Variants in MAN2C1 observed in about 807,000 individuals in gnomAD.
MAN2C1 encodes the protein alpha-mannosidase 2C1.
Under a neutral mutation model 126.9 loss-of-function variants are expected in MAN2C1, and 111 were observed. The ratio of observed to expected loss-of-function variants is 0.87; its 90% CI spans 0.75 to 1.02. The LOEUF is 1.02. Ranked by LOEUF, MAN2C1 falls within the 50% of genes least tolerant of loss-of-function variation. The probability of loss-of-function intolerance (pLI) is 0.00; values close to 1 mark genes in which losing one functional copy is unlikely to be tolerated. For synonymous variants in MAN2C1, 567 were observed against 561.5 expected (o/e 1.01, Z -0.14); for missense variants, 1,363 against 1,364.4 (o/e 1.00, Z 0.02).
chr15:75,364,056 G>C lies in MAN2C1; in HGVS notation c.733C>G (p.His245Asp). 6.2e-7 allele frequency: 1 copy of C among 1,614,186 alleles called. No individual in the cohort carries two copies. The highest frequency in any genetic ancestry group is 8.5e-7 in the Non-Finnish European group (1 of 1,180,020). Reference protein sequence around the residue: ...QALASRFFGQHGGESQHTIHA... With the variant: ...QALASRFFGQDGGESQHTIHA... ...ATGGTGTGTTGGCTTTCACCCCCAT[G>C]TTGGCCAAAGAACCTGGAGGCCAGG... The change falls in exon 6 of 26, where the codon CAT becomes GAT. Residue 245 changes from histidine to aspartate, a missense_variant. Physicochemically the swap from His to Asp is moderately conservative, Grantham distance 81. Transcript: ENST00000267978.
chr15:75,357,090 G>A (rs977959542), intron 21 of MAN2C1, 188 bp from the exon 22 acceptor site: 5 of 596,256 alleles, frequency 8.4e-6, no homozygotes, highest in East Asian at 2.8e-5. Context: ...TCTGTGAAAC[G>A]GGAATAAATA....
chr15:75,360,976 T>G (rs995325102), intron 12 of MAN2C1, 70 bp downstream of exon 12: 21 of 1,536,264 alleles, frequency 1.4e-5, no homozygotes, highest in African/African-American at 6.8e-5. Context: ...GGGCCCAATG[T>G]CTGAGGGAAG....
Position 75,359,616 on chromosome 15 carries a change from G to T in MAN2C1, c.1948+4C>A, listed in dbSNP as rs573512444. On this transcript the variant is annotated splice_donor_region_variant and intron_variant, in intron 16 of 25. Coordinates refer to ENST00000267978, the MANE Select transcript of MAN2C1 (RefSeq NM_006715.4). Reference sequence around the variant, plus strand: ...CAGTAGCAACCCTTCCCCTCAGCTCGTACCTAGGCTGTGGGCCCCGCCCGG... The same window carrying T: ...CAGTAGCAACCCTTCCCCTCAGCTCTTACCTAGGCTGTGGGCCCCGCCCGG... The T allele has an allele frequency of 2.5e-6, 4 of 1,613,568 alleles. No individual in the cohort carries two copies. The highest frequency in any genetic ancestry group is 1.7e-5 in the Admixed American group (1 of 59,972).
chr15:75,361,270 C>A lies in MAN2C1; in HGVS notation c.1314+16G>T. On this transcript the variant is annotated intron_variant, in intron 11 of 25. Coordinates refer to ENST00000267978, the MANE Select transcript of MAN2C1 (RefSeq NM_006715.4). This position sits in a 1 kb window ranked among gnomAD's most constrained non-coding sequence, Gnocchi z 5.0. Reference sequence around the variant, plus strand: ...TCCAGCCTGCCCCTACCCCACCACCCTAGGTGACCCCTCACCTCCTCCACG... The same window carrying A: ...TCCAGCCTGCCCCTACCCCACCACCATAGGTGACCCCTCACCTCCTCCACG... The A allele has an allele frequency of 1.9e-6, 3 of 1,575,726 alleles. No individual in the cohort carries two copies. The highest frequency in any genetic ancestry group is 2.6e-6 in the Non-Finnish European group (3 of 1,160,452).
chr15:75,368,071 A>C lies in MAN2C1; in HGVS notation c.227+2T>G, dbSNP rs777570520. On this transcript the variant is annotated splice_donor_variant, in intron 2 of 25. Coordinates refer to ENST00000267978, the MANE Select transcript of MAN2C1 (RefSeq NM_006715.4). LOFTEE classifies it high-confidence loss of function. ...CCCGCCCACCCGCTGGGCGTTACCT[A>C]CGTGGGTCCGAAGCTGTCGCCGACC... The C allele has an allele frequency of 8.2e-5, 131 of 1,605,022 alleles. No individual in the cohort carries two copies. Among genetic ancestry groups the C allele is most frequent in the Non-Finnish European group, 1.1e-4 (128 of 1,177,130 alleles).
chr15:75,362,590 G>A lies in MAN2C1; in HGVS notation c.897+52C>T, dbSNP rs2072495570. ...CTGGGAAGCCTTCAGGGCCTGTGGA[G>A]CTCCAGGGAGGGCCACGTGCTTCCC... On this transcript the variant is annotated intron_variant, in intron 7 of 25. Coordinates refer to ENST00000267978, the MANE Select transcript of MAN2C1 (RefSeq NM_006715.4). This position sits in a 1 kb window ranked among gnomAD's most constrained non-coding sequence, Gnocchi z 4.5. The A allele has an allele frequency of 6.3e-7, 1 of 1,583,546 alleles. No homozygotes were observed. The highest frequency in any genetic ancestry group is 8.7e-7 in the Non-Finnish European group (1 of 1,155,286).
Position 75,359,726 on chromosome 15 carries a change from CAG to C in MAN2C1, c.1840_1841del (p.Leu614ValfsTer8). On this transcript the variant is annotated frameshift_variant, in exon 16 of 26. Transcript: ENST00000267978. LOFTEE classifies it high-confidence loss of function. Reference sequence around the variant, plus strand: ...CCTCAGGACCTGGCTCCCCAGCACACAGGGCTGCGGCTGCAGCGCTGAGCAGT... The same window carrying C: ...CCTCAGGACCTGGCTCCCCAGCACACGGCTGCGGCTGCAGCGCTGAGCAGT... ...NTLLSAAAAA[L>X]CAGEPGPEGL... 6.2e-7 allele frequency: 1 copy of C among 1,614,118 alleles called. No homozygotes were observed. Among genetic ancestry groups the C allele is most frequent in the Non-Finnish European group, 8.5e-7 (1 of 1,180,032 alleles).
chr15:75,364,276 C>G, intron 5 of MAN2C1, 88 bp from the exon 6 acceptor site: 1 of 1,401,794 alleles, frequency 7.1e-7, no homozygotes, highest in Non-Finnish European at 9.5e-7. Context: ...CAGCAGAGCT[C>G]CCCTGACCCC....
Position 75,355,990 on chromosome 15 carries a change from G to A in MAN2C1, c.3039C>T (p.Thr1013=), listed in dbSNP as rs771954600. 1.9e-6 allele frequency: 3 copies of A among 1,613,992 alleles called. No homozygotes were observed. The highest frequency in any genetic ancestry group is 1.7e-5 in the Admixed American group (1 of 59,988). The change falls in exon 26 of 26, where the codon ACC becomes ACT. Residue 1013 remains threonine (T), a synonymous_variant. Coordinates refer to ENST00000267978, the MANE Select transcript of MAN2C1 (RefSeq NM_006715.4). ...LERPDPAGHL[T]LRDNRLKLTF... is the part of the protein sequence containing the mutation. The stretch of plus-strand genomic sequence containing the variant: ...TGAGCTTCAGGCGGTTGTCCCGAAG[G>A]GTCAAGTGGCCAGCAGGGTCTGGTC...
At chr15:75,364,279 C>A in intron 5 of MAN2C1, 91 bp from the exon 6 acceptor site, 1 of 1,402,502 alleles carries the variant, frequency 7.1e-7, no homozygotes. Context: ...CAGAGCTCCC[C>A]TGACCCCCAA....
chr15:75,365,066 T>C (rs1001015754), intron 4 of MAN2C1, among the ~76,000 whole-genome samples: 6 of 152,148 alleles, frequency 3.9e-5, no homozygotes, highest in African/African-American at 1.2e-4. Flanking sequence ...GGGCCATTCA[T>C]TGGAGAACAG....
rs1281593678 is a variant in MAN2C1, at chr15:75,361,589, CG to C, written c.1218+14del. On this transcript the variant is annotated intron_variant, in intron 10 of 25. Coordinates refer to ENST00000267978, the MANE Select transcript of MAN2C1 (RefSeq NM_006715.4). The surrounding 1 kb of genome is among the most constrained non-coding windows in gnomAD (Gnocchi z 5.0). ...GAGGCCCACTCTGACCCTGACCCCC[CG>C]GGGGCCTGCTTACTGGGAAGGAGTT... is the stretch of plus-strand genomic sequence containing the variant. 2 of 1,601,310 alleles carry C rather than the reference CG, an allele frequency of 1.2e-6. No individual in the cohort carries two copies. Among genetic ancestry groups the C allele is most frequent in the Non-Finnish European group, 1.7e-6 (2 of 1,168,612 alleles).
chr15:75,360,316 C>T (rs574256547), intron 13 of MAN2C1, 105 bp from the exon 14 acceptor site: 27 of 1,494,418 alleles, frequency 1.8e-5, no homozygotes, highest in Middle Eastern at 1.8e-4. Flanking sequence ...CCAAGGGCCT[C>T]GTGGAGAAGG....
rs2072476151 is a variant in MAN2C1, at chr15:75,361,825, C to T, written c.1101+30G>A. The T allele has an allele frequency of 6.2e-7, 1 of 1,610,254 alleles. No homozygotes were observed. ...AAGTCGAGCGCCAGCCCCACTCGCC[C>T]ACAGCCTGGTGTAGCAGCTCTCAGC... On this transcript the variant is annotated intron_variant, in intron 9 of 25. Coordinates refer to ENST00000267978, the MANE Select transcript of MAN2C1 (RefSeq NM_006715.4). This position sits in a 1 kb window ranked among gnomAD's most constrained non-coding sequence, Gnocchi z 5.0.
rs746371504 is a variant in MAN2C1, at chr15:75,356,402, A to C, written c.2785T>G (p.Phe929Val). Residue 929 changes from phenylalanine (F) to valine (V), a missense_variant, in exon 24 of 26, where the codon TTC becomes GTC. Phe to Val is a conservative substitution (Grantham distance 50). Coordinates refer to ENST00000267978, the MANE Select transcript of MAN2C1 (RefSeq NM_006715.4). The surrounding 1 kb of genome is among the most constrained non-coding windows in gnomAD (Gnocchi z 5.8). ...GGGGCTGGCAGAGCCAACAGGGGGA[A>C]GTTTAGGCTGTAGGCAGCTTGGATA... ...GVIQAAYSLNFPLLALPAPSP... is the reference protein window; with the variant it reads ...GVIQAAYSLNVPLLALPAPSP... 1.9e-6 allele frequency: 3 copies of C among 1,610,480 alleles called. No individual in the cohort carries two copies. In the African/African-American group the frequency reaches 4.0e-5, roughly 22 times the overall value.
Position 75,356,846 on chromosome 15 carries a change from G to C in MAN2C1, c.2604C>G (p.Leu868=). The C allele has an allele frequency of 6.2e-7, 1 of 1,614,150 alleles. No homozygotes were observed. The highest frequency in any genetic ancestry group is 8.5e-7 in the Non-Finnish European group (1 of 1,180,050). ...LSEHGFGLAL[L]NDCKYGASVR... is the part of the protein sequence containing the mutation. ...CTGACGCGCCATACTTGCAGTCGTT[G>C]AGCAGGGCCAGCCCAAAGCCGTGTT... The change falls in exon 22 of 26, where the codon CTC becomes CTG. Residue 868 remains leucine (L), a synonymous_variant. Coordinates refer to ENST00000267978, the MANE Select transcript of MAN2C1 (RefSeq NM_006715.4). The surrounding 1 kb of genome is among the most constrained non-coding windows in gnomAD (Gnocchi z 5.8).
At position 75,359,066 on chromosome 15, in the gene MAN2C1, A is replaced by T. The variant is rs763624364; in HGVS notation, c.2134T>A (p.Ser712Thr). The change falls in exon 18 of 26, where the codon TCT becomes ACT. Residue 712 changes from serine (S) to threonine (T), a missense_variant. Ser to Thr is a moderately conservative substitution (Grantham distance 58). Coordinates refer to ENST00000267978, the MANE Select transcript of MAN2C1 (RefSeq NM_006715.4). ...GCAATGAGGATTTGGCACCTGCCAG[A>T]GGCCACCAGGACCAAGGACGTCAGG... is the stretch of plus-strand genomic sequence containing the variant. ...GRLTSLVLVASGREAIAEGAV... is the reference protein window; with the variant it reads ...GRLTSLVLVATGREAIAEGAV... 1 of 1,613,888 alleles carries T rather than the reference A, an allele frequency of 6.2e-7. No individual in the cohort carries two copies.
chr15:75,368,148 GGCGTCAGGAA>G lies in MAN2C1; in HGVS notation c.142_151del (p.Phe48ArgfsTer36). ...TGCCTCCTGGTAGGGAAGTCTCTCC[GGCGTCAGGAA>G]GCTGGAGAGCACAGCCACAGGGCAG... On this transcript the variant is annotated frameshift_variant, in exon 2 of 26. Transcript: ENST00000267978. LOFTEE classifies it high-confidence loss of function. The G allele has an allele frequency of 6.2e-7, 1 of 1,604,890 alleles. No individual in the cohort carries two copies.
Position 75,356,546 on chromosome 15 carries a change from CAG to C in MAN2C1, c.2737+58_2737+59del. 1 of 1,549,096 alleles carries C rather than the reference CAG, an allele frequency of 6.5e-7. No homozygotes were observed. Among genetic ancestry groups the C allele is most frequent in the Non-Finnish European group, 8.7e-7 (1 of 1,144,714 alleles). ...AAGCCAGGTTGCTGGGGTTTGGGCT[CAG>C]GGAAGGGCAGAGAGGTGTCTAGGGC... On this transcript the variant is annotated intron_variant, in intron 23 of 25. Transcript: ENST00000267978. This position sits in a 1 kb window ranked among gnomAD's most constrained non-coding sequence, Gnocchi z 5.8.
Sources: gnomAD v4.1 joint callset for allele counts (sites outside exome capture counted in the v4.1 genomes callset) on GRCh38, gnomAD v4.1.1 for gene constraint, Gnocchi (gnomAD v3.1) non-coding constraint, MANE v1.5 for transcripts, NCBI Gene and HGNC (gene_info 2026-07-23, HGNC 2026-07-21) for gene names.